Variants in ZNG1E observed in about 807,000 individuals in gnomAD.
ZNG1E encodes the protein Zn regulated GTPase metalloprotein activator 1E.
At chr9:65,691,701 T>C in the ZNG1E span, among the ~76,000 whole-genome samples, 1 of 152,212 alleles carries the variant, frequency 6.6e-6, no homozygotes, top group Non-Finnish European at 1.5e-5. Context: ...ATATTTTTGC[T>C]TTTATTTTCT....
chr9:65,704,624 A>T, the ZNG1E span: 1 of 942,260 alleles, frequency 1.1e-6, no homozygotes, highest in Non-Finnish European at 1.2e-6. Context: ...TAGAAACTGG[A>T]GATTTGGGCT....
chr9:65,657,984 A>T, the ZNG1E span, among the ~76,000 whole-genome samples: 18 of 152,368 alleles, frequency 1.2e-4, no homozygotes, highest in Non-Finnish European at 2.6e-4. Flanking sequence ...CTGTAATCCA[A>T]GCTACTCGGG....
chr9:65,672,459 A>AG, the ZNG1E span, among the ~76,000 whole-genome samples: 1 of 151,678 alleles, frequency 6.6e-6, no homozygotes, highest in Non-Finnish European at 1.5e-5. Context: ...TAAAAAAAAA[A>AG]AAAAAGCCCG....
the ZNG1E span, chr9:65,706,807 T>C: frequency 6.8e-6 from 1 of 147,586 alleles, no homozygotes; most frequent in Non-Finnish European, 1.5e-5. Context: ...CTGGATGGCA[T>C]GTATTCTCAA....
At chr9:65,662,020 A>G in the ZNG1E span, among the ~76,000 whole-genome samples, 1 of 152,254 alleles carries the variant, frequency 6.6e-6, no homozygotes, top group African/African-American at 2.4e-5. Context: ...GGTACTTATT[A>G]ACTGCATCAG....
chr9:65,678,611 T>C, the ZNG1E span, among the ~76,000 whole-genome samples: 1 of 145,374 alleles, frequency 6.9e-6, no homozygotes, highest in Non-Finnish European at 1.5e-5. Context: ...GGATTTTCTT[T>C]TTTTCCTCTA....
the ZNG1E span, chr9:65,733,163 A>T: frequency 6.2e-7 from 1 of 1,611,952 alleles, no homozygotes. Context: ...CAAAGTGAAA[A>T]ATATATTTGA....
At chr9:65,706,426 T>TA in the ZNG1E span, 43 of 85,036 alleles carry the variant, frequency 5.1e-4, no homozygotes, top group Middle Eastern at 4.1e-3. Context: ...TTCATTCTCT[T>TA]ACTCAGTTTT....
chr9:65,688,076 G>C, the ZNG1E span, among the ~76,000 whole-genome samples: 1 of 151,228 alleles, frequency 6.6e-6, no homozygotes, highest in Non-Finnish European at 1.5e-5. Context: ...TTTTACCTTT[G>C]CATTTACTGT....
At chr9:65,704,923 A>AC in the ZNG1E span, 13 of 138,044 alleles carry the variant, frequency 9.4e-5, no homozygotes, top group East Asian at 8.0e-4. Context: ...AAAAAAAAAA[A>AC]AAACAAACAA....
the ZNG1E span, chr9:65,719,404 C>T: frequency 7.5e-6 from 1 of 133,298 alleles, no homozygotes. Context: ...CGTCCTGTCC[C>T]CATCAGTGTT....
At chr9:65,724,755 T>C in the ZNG1E span, among the ~76,000 whole-genome samples, 1 of 96,636 alleles carries the variant, frequency 1.0e-5, no homozygotes, top group Admixed American at 1.3e-4. Context: ...TTAAACATTT[T>C]TGAAGACTAA....
the ZNG1E span, among the ~76,000 whole-genome samples, chr9:65,697,929 A>AGAATCAGGGCT: frequency 6.9e-6 from 1 of 144,978 alleles, no homozygotes; most frequent in Non-Finnish European, 1.5e-5. Context: ...CTTTTAGGCT[A>AGAATCAGGGCT]GAATCAGGGC....
the ZNG1E span, among the ~76,000 whole-genome samples, chr9:65,685,171 A>G: frequency 7.6e-3 from 1,144 of 151,094 alleles, no homozygotes; most frequent in African/African-American, 0.027. Context: ...AAATGCTAAC[A>G]ATCATCTCAG....
the ZNG1E span, among the ~76,000 whole-genome samples, chr9:65,685,386 C>T: frequency 2.0e-5 from 3 of 152,214 alleles, no homozygotes; most frequent in Non-Finnish European, 4.4e-5. Context: ...GCATTTTACC[C>T]ACAGTATGAC....
chr9:65,715,051 C>T, the ZNG1E span, among the ~76,000 whole-genome samples: 22 of 149,292 alleles, frequency 1.5e-4, no homozygotes, highest in Non-Finnish European at 2.8e-4. Flanking sequence ...ATCAGCGAGA[C>T]TCCGTGGGCG....
At chr9:65,717,698 TC>T in the ZNG1E span, among the ~76,000 whole-genome samples, 1 of 149,434 alleles carries the variant, frequency 6.7e-6, no homozygotes, top group African/African-American at 2.6e-5. Context: ...TTTTTTTTCT[TC>T]CCCTTGGAGA....
the ZNG1E span, among the ~76,000 whole-genome samples, chr9:65,660,257 AAGG>A: frequency 7.6e-6 from 1 of 132,054 alleles, no homozygotes; most frequent in Non-Finnish European, 1.5e-5. Flanking sequence ...AACATATGAA[AAGG>A]AGATTTAAGC....
chr9:65,701,284 AG>A, the ZNG1E span: 1 of 150,228 alleles, frequency 6.7e-6, no homozygotes, highest in Admixed American at 6.6e-5. Context: ...GAATCAATAA[AG>A]GTAAGGCTCA....
Sources: allele counts gnomAD v4.1 joint callset (sites outside exome capture counted in the v4.1 genomes callset), GRCh38; gene constraint gnomAD v4.1.1; transcripts MANE v1.5; gene names NCBI Gene and HGNC (gene_info 2026-07-23, HGNC 2026-07-21).